USP40: variants seen among roughly 807,000 people sequenced by gnomAD.
USP40 encodes the protein ubiquitin carboxyl-terminal hydrolase 40.
In USP40, 143 loss-of-function variants were observed where a neutral mutation model predicts 166.2. The observed-to-expected ratio is 0.86, with a 90% CI of 0.75 to 0.99. The LOEUF is 0.99. Among genes scored for constraint, USP40 ranks in the 50% least tolerant of loss-of-function variants. The probability of loss-of-function intolerance (pLI) is 0.00; values close to 1 mark genes in which losing one functional copy is unlikely to be tolerated. For missense variants in USP40, 1,444 were observed against 1,479.7 expected (o/e 0.98, Z 0.40); for synonymous variants, 498 against 524.0 (o/e 0.95, Z 0.68).
At chr2:233,559,176 T>C (rs1409295749) in intron 4 of USP40, among the ~76,000 whole-genome samples, 2 of 152,196 alleles carry the variant, frequency 1.3e-5, no homozygotes, top group East Asian at 3.8e-4. Context: ...TGCTGACAAG[T>C]GTGTAGTGTT....
chr2:233,477,650 A>G, intron 31 of USP40, 147 bp from the exon 32 acceptor site: 1 of 720,250 alleles, frequency 1.4e-6, no homozygotes, highest in Non-Finnish European at 2.3e-6. Flanking sequence ...GCCACCTGCC[A>G]GAGGGCCCCA....
chr2:233,523,477 G>A lies in USP40; in HGVS notation c.1894C>T (p.His632Tyr), dbSNP rs146371325. Residue 632 changes from histidine to tyrosine, a missense_variant, in exon 16 of 32, where the codon CAC becomes TAC. His to Tyr is a moderately conservative substitution (Grantham distance 83). Coordinates refer to ENST00000678225, the MANE Select transcript of USP40 (RefSeq NM_001365479.2). ...TCGCAGTCAATACCAGTTTGAATGT[G>A]GACTCCACCAACCTGCAATCATACC... Reference protein sequence around the residue: ...VWNGVEVGGVHIQTGIDCEPL... With the variant: ...VWNGVEVGGVYIQTGIDCEPL... The A allele has an allele frequency of 3.6e-4, 586 of 1,612,814 alleles. 1 individual carries two copies. Among genetic ancestry groups the A allele is most frequent in the Middle Eastern group, 1.8e-3 (11 of 6,054 alleles).
rs746515937 is a variant in USP40, at chr2:233,525,514, C to A, written c.1774G>T (p.Val592Leu). 1 of 1,613,316 alleles carries A rather than the reference C, an allele frequency of 6.2e-7. No homozygotes were observed. Among genetic ancestry groups the A allele is most frequent in the Non-Finnish European group, 8.5e-7 (1 of 1,179,478 alleles). The part of the protein sequence containing the change: ...GDMVLSVAKL[V>L]PAGLHIYQSL... ...TGGTAAATGTGAAGTCCTGCTGGTACAAGCTTTGCAACACTAAGAACCATG... is the reference window on the plus strand; with the variant it reads ...TGGTAAATGTGAAGTCCTGCTGGTAAAAGCTTTGCAACACTAAGAACCATG... Residue 592 changes from valine to leucine, a missense_variant, in exon 14 of 32, where the codon GTA (valine) becomes TTA (leucine). Transcript: ENST00000678225.
In USP40 at chr2:233,527,483, G is replaced by T. The variant is rs766982376; in HGVS notation, c.1649C>A (p.Ser550Tyr). Reference protein sequence around the residue: ...FFNGALHPVVSQTESVWDLTF... With the variant: ...FFNGALHPVVYQTESVWDLTF... The stretch of plus-strand genomic sequence containing the variant: ...CAAATCCCACACGCTTTCTGTTTGA[G>T]AGACTACTGGGTGCAGAGCCCCATT... Residue 550 changes from serine to tyrosine, a missense_variant, in exon 13 of 32, where the codon TCT becomes TAT. Ser to Tyr is a moderately radical substitution (Grantham distance 144). Transcript: ENST00000678225. 1 of 1,613,818 alleles carries T rather than the reference G, an allele frequency of 6.2e-7. No homozygotes were observed. Among genetic ancestry groups the T allele is most frequent in the Non-Finnish European group, 8.5e-7 (1 of 1,179,812 alleles).
At chr2:233,540,633 G>A (rs1349043664) in intron 10 of USP40, 29 bp downstream of exon 10, 3 of 1,477,022 alleles carry the variant, frequency 2.0e-6, no homozygotes, top group Admixed American at 1.7e-5. Context: ...CTTGGGACTA[G>A]GACTTCCCAA....
chr2:233,558,656 T>C (rs192084691), intron 4 of USP40, among the ~76,000 whole-genome samples: 24 of 152,256 alleles, frequency 1.6e-4, no homozygotes, highest in Non-Finnish European at 2.5e-4. Flanking sequence ...CTTTTTGGGG[T>C]GGTAAAAATT....
chr2:233,542,326 A>T lies in USP40; in HGVS notation c.1004T>A (p.Leu335His). ...ATGATCAATCTCTTCTTCACTCTGGAGATCTTTCAGATTCACATCTGGTTT... is the reference window on the plus strand; with the variant it reads ...ATGATCAATCTCTTCTTCACTCTGGTGATCTTTCAGATTCACATCTGGTTT... Reference protein sequence around the residue: ...KSKPDVNLKDLQSEEEIDHPL... With the variant: ...KSKPDVNLKDHQSEEEIDHPL... Residue 335 changes from leucine to histidine, a missense_variant, in exon 9 of 32, where the codon CTC becomes CAC. Physicochemically the swap from Leu to His is moderately conservative, Grantham distance 99. Transcript: ENST00000678225. 4 of 1,559,370 alleles carry T rather than the reference A, an allele frequency of 2.6e-6. No homozygotes were observed. The South Asian group carries it at 4.7e-5, about 18-fold the overall frequency.
At chr2:233,515,500 A>AT (rs1343385625) in intron 18 of USP40, among the ~76,000 whole-genome samples, 2 of 151,582 alleles carry the variant, frequency 1.3e-5, no homozygotes, top group Non-Finnish European at 2.9e-5. Flanking sequence ...CTGGTCATTC[A>AT]TAGGTACGTC....
intron 1 of USP40, 42 bp from the exon 2 acceptor site, chr2:233,565,615 A>C (rs1389741136): frequency 2.7e-6 from 4 of 1,486,094 alleles, no homozygotes; most frequent in Non-Finnish European, 3.6e-6. Flanking sequence ...TTTTAAAATA[A>C]ATTTTCCCCA....
intron 10 of USP40, among the ~76,000 whole-genome samples, chr2:233,535,071 G>C (rs1376134054): frequency 6.6e-6 from 1 of 152,168 alleles, no homozygotes; most frequent in Non-Finnish European, 1.5e-5. Context: ...AGTGCATGAT[G>C]GAACAGATTT....
chr2:233,552,991 C>T (rs1415825962), intron 6 of USP40, among the ~76,000 whole-genome samples: 4 of 152,046 alleles, frequency 2.6e-5, no homozygotes. Flanking sequence ...ATGAAAAGCT[C>T]ATCACATCAC....
At position 233,515,792 on chromosome 2, in the gene USP40, G is replaced by A. The variant is rs564959560; in HGVS notation, c.2384-3170C>T. Among the ~76,000 whole-genome samples, 4 of 152,208 alleles carry A rather than the reference G, an allele frequency of 2.6e-5. No homozygotes were observed. The South Asian group carries it at 8.3e-4, about 32-fold the overall frequency. ...TAAAGTAACAAAGATTTCCTCATATGTTTTCTCCCAGAAATTTTGTAGTTT... is the reference window on the plus strand; with the variant it reads ...TAAAGTAACAAAGATTTCCTCATATATTTTCTCCCAGAAATTTTGTAGTTT... On this transcript the variant is annotated intron_variant, in intron 18 of 31. Transcript: ENST00000678225.
chr2:233,514,025 G>A (rs2067008643), intron 18 of USP40, among the ~76,000 whole-genome samples: 1 of 152,044 alleles, frequency 6.6e-6, no homozygotes, highest in South Asian at 2.1e-4. Context: ...TCTTGTCGAC[G>A]GAAACAATTT....
At chr2:233,479,920 C>T (rs374623371) in intron 31 of USP40, among the ~76,000 whole-genome samples, 10 of 152,228 alleles carry the variant, frequency 6.6e-5, no homozygotes, top group East Asian at 1.9e-4. Context: ...GTGCTGCTTG[C>T]GGAGCTCACA....
intron 24 of USP40, among the ~76,000 whole-genome samples, chr2:233,494,975 T>TACAC (rs2065651703): frequency 1.3e-5 from 1 of 74,534 alleles, no homozygotes; most frequent in South Asian, 3.4e-4. Context: ...TATATATATA[T>TACAC]ATATACACAC....
chr2:233,502,551 G>C (rs1043645142), intron 21 of USP40, among the ~76,000 whole-genome samples: 3 of 152,120 alleles, frequency 2.0e-5, no homozygotes, highest in African/African-American at 4.8e-5. Context: ...TCCCCAGAGA[G>C]AGCGCTGCAC....
chr2:233,522,935 G>C (rs2125223782), intron 16 of USP40, among the ~76,000 whole-genome samples: 1 of 152,196 alleles, frequency 6.6e-6, no homozygotes, highest in Admixed American at 6.5e-5. Context: ...TAGAAAATCA[G>C]GGATACTTAT....
chr2:233,551,683 T>C (rs2070580132), intron 6 of USP40, among the ~76,000 whole-genome samples, 164 bp from the exon 7 acceptor site: 1 of 152,210 alleles, frequency 6.6e-6, no homozygotes, highest in African/African-American at 2.4e-5. Flanking sequence ...AACTCATCTA[T>C]TTTATGGGTC....
chr2:233,522,114 C>A (rs1202896986), intron 16 of USP40, among the ~76,000 whole-genome samples: 1 of 152,150 alleles, frequency 6.6e-6, no homozygotes, highest in Non-Finnish European at 1.5e-5. Context: ...TACTATGTAG[C>A]CATTCAAGGC....
Sources: gnomAD v4.1 joint callset for allele counts (sites outside exome capture counted in the v4.1 genomes callset) on GRCh38, gnomAD v4.1.1 for gene constraint, MANE v1.5 for transcripts, NCBI Gene and HGNC (gene_info 2026-07-23, HGNC 2026-07-21) for gene names.